KLHDC2: variants seen among roughly 807,000 people sequenced by gnomAD.
KLHDC2 encodes the protein kelch domain containing 2.
In KLHDC2, 38 loss-of-function variants were observed where a neutral mutation model predicts 62.3. That is an observed-to-expected ratio of 0.61 (90% CI 0.47 to 0.80). KLHDC2 has a LOEUF of 0.80. Ranked by LOEUF, KLHDC2 falls within the 30% of genes least tolerant of loss-of-function variation. The pLI, the probability that KLHDC2 is intolerant of heterozygous loss-of-function variation, is 0.00. For missense variants in KLHDC2, 430 were observed against 495.3 expected, an observed-to-expected ratio of 0.87 and a Z score of 1.25; for synonymous variants, 159 against 161.0, an observed-to-expected ratio of 0.99 and a Z score of 0.09.
At position 49,778,436 on chromosome 14, in the gene KLHDC2, A is replaced by G. The variant is rs1419883585; in HGVS notation, c.575A>G (p.Asn192Ser). The change falls in exon 6 of 13, where the codon AAT becomes AGT. Residue 192 changes from asparagine to serine, a missense_variant. Transcript: ENST00000298307. Reference sequence around the variant, plus strand: ...AATTCAAGTCATCCAAGAGGATGGAATGATCATGTACATATTTTAGATACT... The same window carrying G: ...AATTCAAGTCATCCAAGAGGATGGAGTGATCATGTACATATTTTAGATACT... ...FWNSSHPRGW[N>S]DHVHILDTET... 3 of 1,584,170 alleles carry G rather than the reference A, an allele frequency of 1.9e-6. No individual in the cohort carries two copies. Among genetic ancestry groups the G allele is most frequent in the Non-Finnish European group, 2.6e-6 (3 of 1,155,528 alleles).
intron 10 of KLHDC2, among the ~76,000 whole-genome samples, chr14:49,781,479 AG>A (rs1246731022): frequency 6.6e-6 from 1 of 152,056 alleles, no homozygotes; most frequent in South Asian, 2.1e-4. Flanking sequence ...CTGTAATCCC[AG>A]CACTTCTGGA....
rs189337294 is a variant in KLHDC2, at chr14:49,770,204, C to A, written c.154-1390C>A. Among the ~76,000 whole-genome samples the A allele has an allele frequency of 1.3e-4, 20 of 152,258 alleles. No homozygotes were observed. The East Asian group carries it at 1.7e-3, about 13-fold the overall frequency. On this transcript the variant is annotated intron_variant, in intron 1 of 12. Transcript: ENST00000298307. ...TGATTGGGGCCGATTCAGGGAGGAG[C>A]AGCACAATCACTGAATTGGATGGTT...
In KLHDC2 at chr14:49,784,030, G is replaced by A. The variant is rs1459759917; in HGVS notation, c.*1077G>A. The A allele has an allele frequency of 1.3e-5, 2 of 151,806 alleles. No individual in the cohort carries two copies. The highest frequency in any genetic ancestry group is 2.9e-5 in the Non-Finnish European group (2 of 67,936). 9.4% of individuals were successfully genotyped at this position (151,806 alleles called of 1,614,324 possible). On this transcript the variant is annotated 3_prime_UTR_variant, in exon 13 of 13. Coordinates refer to ENST00000298307, the MANE Select transcript of KLHDC2 (RefSeq NM_014315.3). ...GTTTAAGCAATCAAGCCACTTCACT[G>A]TTCAGTTTCTTTACATCATGAAATG...
At position 49,774,685 on chromosome 14, in the gene KLHDC2, G is replaced by A. The variant is rs1889735051; in HGVS notation, c.351+7G>A. On this transcript the variant is annotated splice_region_variant and intron_variant, in intron 3 of 12. Coordinates refer to ENST00000298307, the MANE Select transcript of KLHDC2 (RefSeq NM_014315.3). ...AAGAGGCAATACCAATAAGGTTAGTGTTTCTAAGGATTATGGCTTGAGGCA... is the reference window on the plus strand; with the variant it reads ...AAGAGGCAATACCAATAAGGTTAGTATTTCTAAGGATTATGGCTTGAGGCA... The A allele has an allele frequency of 2.7e-6, 4 of 1,508,348 alleles. No homozygotes were observed. The highest frequency in any genetic ancestry group is 3.7e-6 in the Non-Finnish European group (4 of 1,083,534). The allele number at this position is 1,508,348 out of a possible 1,614,324, so 93.4% of individuals were successfully genotyped here.
At chr14:49,776,736 T>C (rs1216618708) in intron 3 of KLHDC2, among the ~76,000 whole-genome samples, 2 of 151,982 alleles carry the variant, frequency 1.3e-5, no homozygotes, top group Non-Finnish European at 2.9e-5. Context: ...CTGGCCAACA[T>C]GACAAAAACT....
rs779142176 is a variant in KLHDC2, at chr14:49,778,178, G to T, written c.468G>T (p.Lys156Asn). Residue 156 changes from lysine (K) to asparagine (N), a missense_variant and splice_region_variant, in exon 5 of 13, where the codon AAG (lysine) becomes AAT (asparagine). Coordinates refer to ENST00000298307, the MANE Select transcript of KLHDC2 (RefSeq NM_014315.3). ...DKLGVWVYKN[K>N]LIFFGGYGYL... ...AGTGTCTTGGTTTTTCATCCAACAG[G>T]TTAATATTTTTTGGAGGGTATGGAT... 6.3e-7 allele frequency: 1 copy of T among 1,591,940 alleles called. No homozygotes were observed. Among genetic ancestry groups the T allele is most frequent in the Admixed American group, 1.7e-5 (1 of 57,514 alleles).
At chr14:49,768,669 G>A (rs910960289) in intron 1 of KLHDC2, 48 bp downstream of exon 1, 3 of 1,494,342 alleles carry the variant, frequency 2.0e-6, no homozygotes, top group South Asian at 1.3e-5. Flanking sequence ...CTGTGACTCG[G>A]GTCTGCGTTC....
rs1889800338 is a variant in KLHDC2, at chr14:49,777,633, A to C, written c.352-206A>C. Among the ~76,000 whole-genome samples, 3 of 152,208 alleles carry C rather than the reference A, an allele frequency of 2.0e-5. No individual in the cohort carries two copies. The South Asian group carries it at 6.2e-4, about 32-fold the overall frequency. On this transcript the variant is annotated intron_variant, in intron 3 of 12. Transcript: ENST00000298307. ...TATGAAAAAAAAAATTAGTTGAGCT[A>C]ACAGCGTGCTTAGTGACTTAGGAAG...
At chr14:49,782,682 T>C in intron 12 of KLHDC2, 88 bp downstream of exon 12, 2 of 1,360,102 alleles carry the variant, frequency 1.5e-6, no homozygotes, top group Admixed American at 2.3e-5. Context: ...TTATGGATTA[T>C]TTAAGGGCAA....
Position 49,783,990 on chromosome 14 carries a change from C to A in KLHDC2, c.*1037C>A, listed in dbSNP as rs1194410495. The A allele has an allele frequency of 6.6e-6, 1 of 152,012 alleles. No homozygotes were observed. Among genetic ancestry groups the A allele is most frequent in the Non-Finnish European group, 1.5e-5 (1 of 67,966 alleles). The allele number at this position is 152,012 out of a possible 1,614,324, so 9.4% of individuals were successfully genotyped here. On this transcript the variant is annotated 3_prime_UTR_variant, in exon 13 of 13. Transcript: ENST00000298307. ...TATATTAGATGTTATATACAGTAGA[C>A]TTACCAAGTCAATAGTTTAAGCAAT... is the stretch of plus-strand genomic sequence containing the variant.
chr14:49,768,527 G>C lies in KLHDC2; in HGVS notation c.59G>C (p.Ser20Thr). ...GACTTGCCTGGGCCAGCCTTCGAGA[G>C]CTATGAGTCCATGGAGCTTGCCTGC... ...ADDLPGPAFE[S>T]YESMELACPA... Residue 20 changes from serine to threonine, a missense_variant, in exon 1 of 13, where the codon AGC (serine) becomes ACC (threonine). Coordinates refer to ENST00000298307, the MANE Select transcript of KLHDC2 (RefSeq NM_014315.3). 6.2e-7 allele frequency: 1 copy of C among 1,611,412 alleles called. No individual in the cohort carries two copies. Among genetic ancestry groups the C allele is most frequent in the Non-Finnish European group, 8.5e-7 (1 of 1,179,086 alleles).
rs372158143 is a variant in KLHDC2, at chr14:49,782,477, A to G, written c.1044+20A>G. The G allele has an allele frequency of 3.2e-4, 509 of 1,600,502 alleles. No individual in the cohort carries two copies. The highest frequency in any genetic ancestry group is 4.0e-4 in the Non-Finnish European group (471 of 1,170,186). ...AGAGCTGTAAGTATACTACCTTCAC[A>G]TTATTACTGAAACTTACTTGCAAAG... On this transcript the variant is annotated intron_variant, in intron 11 of 12. Transcript: ENST00000298307.
chr14:49,775,889 A>G (rs1041462312), intron 3 of KLHDC2, among the ~76,000 whole-genome samples: 2 of 152,154 alleles, frequency 1.3e-5, no homozygotes, highest in African/African-American at 2.4e-5. Flanking sequence ...GGCCTCCCAA[A>G]GTGCTGGGAT....
At chr14:49,775,002 CAA>C (rs1404672664) in intron 3 of KLHDC2, 1 of 267,132 alleles carries the variant, frequency 3.7e-6, no homozygotes, top group Non-Finnish European at 7.1e-6. Flanking sequence ...AAAATGAAGA[CAA>C]GATGTAATGG....
At chr14:49,774,832 G>A in intron 3 of KLHDC2, 154 bp downstream of exon 3, 3 of 691,118 alleles carry the variant, frequency 4.3e-6, no homozygotes, top group Non-Finnish European at 7.8e-6. Flanking sequence ...TTAGTATTTT[G>A]TGTGCCAATC....
intron 3 of KLHDC2, among the ~76,000 whole-genome samples, chr14:49,777,139 A>G (rs1322683299): frequency 6.6e-6 from 1 of 152,186 alleles, no homozygotes; most frequent in Non-Finnish European, 1.5e-5. Context: ...AAGTGAAGTA[A>G]CTCAGGAATG....
At chr14:49,773,804 T>C (rs1889715120) in intron 2 of KLHDC2, among the ~76,000 whole-genome samples, 1 of 151,924 alleles carries the variant, frequency 6.6e-6, no homozygotes, top group Admixed American at 6.6e-5. Flanking sequence ...TCTCGATTTC[T>C]TGACCTTGTG....
intron 10 of KLHDC2, 40 bp downstream of exon 10, chr14:49,780,815 A>G (rs990235138): frequency 4.6e-6 from 5 of 1,079,478 alleles, no homozygotes; most frequent in African/African-American, 1.5e-5. Flanking sequence ...TGCATAAGAC[A>G]TAAGAATTGA....
chr14:49,778,401 T>A lies in KLHDC2; in HGVS notation c.550-10T>A, dbSNP rs1262848595. 1.3e-6 allele frequency: 2 copies of A among 1,506,268 alleles called. No individual in the cohort carries two copies. The highest frequency in any genetic ancestry group is 9.1e-7 in the Non-Finnish European group (1 of 1,093,912). The allele number at this position is 1,506,268 out of a possible 1,614,324, so 93.3% of individuals were successfully genotyped here. On this transcript the variant is annotated splice_polypyrimidine_tract_variant and intron_variant, in intron 5 of 12. Transcript: ENST00000298307. Reference sequence around the variant, plus strand: ...ATTTCTAAAATAACGCGGATTCTTATTTTCTGTAGAATTCAAGTCATCCAA... The same window carrying A: ...ATTTCTAAAATAACGCGGATTCTTAATTTCTGTAGAATTCAAGTCATCCAA...
Sources: gnomAD v4.1 joint callset for allele counts (sites outside exome capture counted in the v4.1 genomes callset) on GRCh38, gnomAD v4.1.1 for gene constraint, MANE v1.5 for transcripts, NCBI Gene and HGNC (gene_info 2026-07-23, HGNC 2026-07-21) for gene names.